Variants in HCN1 observed in about 807,000 individuals in gnomAD.
The protein encoded by HCN1 is hyperpolarization activated cyclic nucleotide gated potassium channel 1.
In HCN1, 13 loss-of-function variants were observed where a neutral mutation model predicts 78.9. That is an observed-to-expected ratio of 0.16 (90% CI 0.11 to 0.26). HCN1 has a LOEUF of 0.26. HCN1 is among the 10% of genes least tolerant of loss of function. HCN1 has a pLI of 1.00. For missense variants in HCN1, 810 were observed against 1,154.3 expected (o/e 0.70, Z 4.32); for synonymous variants, 552 against 455.5 (o/e 1.21, Z -2.70).
chr5:45,339,091 C>T (rs1196637563), intron 5 of HCN1, among the ~76,000 whole-genome samples: 2 of 152,152 alleles, frequency 1.3e-5, no homozygotes, highest in African/African-American at 4.8e-5. Context: ...TCTAGGATCT[C>T]TCATTTTATT....
chr5:45,507,856 G>A (rs1417494700), intron 2 of HCN1, among the ~76,000 whole-genome samples: 1 of 151,966 alleles, frequency 6.6e-6, no homozygotes, highest in Non-Finnish European at 1.5e-5. Context: ...AAATATAAAG[G>A]TAAGCATTTT....
At chr5:45,560,945 G>T (rs1241358935) in intron 2 of HCN1, among the ~76,000 whole-genome samples, 1 of 152,054 alleles carries the variant, frequency 6.6e-6, no homozygotes, top group Non-Finnish European at 1.5e-5. Context: ...AAATGCTAAG[G>T]TATCTGCTAA....
intron 2 of HCN1, chr5:45,558,818 G>C (rs1743533014): frequency 6.6e-6 from 1 of 151,728 alleles, no homozygotes. Context: ...ACCCAGGCTA[G>C]AGTGTGGTGG....
At chr5:45,444,606 A>T (rs1465572209) in intron 3 of HCN1, among the ~76,000 whole-genome samples, 1 of 151,478 alleles carries the variant, frequency 6.6e-6, no homozygotes, top group East Asian at 1.9e-4. Context: ...CTCTTATGGG[A>T]TCTTATGTTT....
In HCN1 at chr5:45,644,823, A is replaced by T. The variant is rs562775334; in HGVS notation, c.849+362T>A. Reference sequence around the variant, plus strand: ...AATGATGTGCCAGATTAGCAATCAGACCCTACACATCTTTATCAAAATAAT... The same window carrying T: ...AATGATGTGCCAGATTAGCAATCAGTCCCTACACATCTTTATCAAAATAAT... On this transcript the variant is annotated intron_variant, in intron 2 of 7. Coordinates refer to ENST00000303230, the MANE Select transcript of HCN1 (RefSeq NM_021072.4). 10 of 256,564 alleles carry T rather than the reference A, an allele frequency of 3.9e-5. No individual in the cohort carries two copies. In the South Asian group the frequency reaches 9.3e-4, roughly 24 times the overall value. 15.9% of individuals were successfully genotyped at this position (256,564 alleles called of 1,614,324 possible).
intron 2 of HCN1, among the ~76,000 whole-genome samples, chr5:45,524,205 G>A (rs1185055232): frequency 6.6e-6 from 1 of 152,134 alleles, no homozygotes; most frequent in African/African-American, 2.4e-5. Context: ...GCTCTGTTCT[G>A]TTCCATTGAT....
intron 2 of HCN1, chr5:45,559,122 A>T (rs992248129): frequency 2.6e-5 from 4 of 151,568 alleles, no homozygotes; most frequent in Non-Finnish European, 4.4e-5. Context: ...GTTGAGACCG[A>T]CTGTTCAGAA....
At chr5:45,682,660 T>G (rs1303731515) in intron 1 of HCN1, among the ~76,000 whole-genome samples, 1 of 151,934 alleles carries the variant, frequency 6.6e-6, no homozygotes, top group African/African-American at 2.4e-5. Context: ...AAGCACCTCA[T>G]CTTAGTGGGC....
chr5:45,455,837 C>T (rs2111611224), intron 3 of HCN1, among the ~76,000 whole-genome samples: 1 of 146,644 alleles, frequency 6.8e-6, no homozygotes, highest in Admixed American at 6.8e-5. Flanking sequence ...GTGAAATATA[C>T]TGCTATTCAT....
intron 5 of HCN1, among the ~76,000 whole-genome samples, chr5:45,311,713 AT>A (rs1484180356): frequency 6.6e-6 from 1 of 152,212 alleles, no homozygotes. Context: ...TTTCAGTAAT[AT>A]TCTTTGCATA....
At chr5:45,675,275 T>C (rs1332150764) in intron 1 of HCN1, among the ~76,000 whole-genome samples, 1 of 151,734 alleles carries the variant, frequency 6.6e-6, no homozygotes. Context: ...GCCAGCCAAG[T>C]CCTTTCTCTC....
intron 4 of HCN1, among the ~76,000 whole-genome samples, chr5:45,356,366 T>C (rs142110924): frequency 2.1e-3 from 319 of 152,022 alleles, no homozygotes; most frequent in African/African-American, 7.3e-3. Context: ...TAAAAGTTTC[T>C]GTATAATTAT....
At position 45,645,262 on chromosome 5, in the gene HCN1, T is replaced by G; in HGVS notation, c.772A>C (p.Arg258=). Residue 258 remains arginine, a synonymous_variant, in exon 2 of 8, where the codon AGG becomes CGG. Coordinates refer to ENST00000303230, the MANE Select transcript of HCN1 (RefSeq NM_021072.4). Reference sequence around the variant, plus strand: ...AAGAGACTGAGAATTTTTGTAAACCTCACAATGCGAAGTGCCCTGGCTGTC... The same window carrying G: ...AAGAGACTGAGAATTTTTGTAAACCGCACAATGCGAAGTGCCCTGGCTGTC... ...YKTARALRIV[R]FTKILSLLRL... 1 of 1,613,634 alleles carries G rather than the reference T, an allele frequency of 6.2e-7. No individual in the cohort carries two copies. The highest frequency in any genetic ancestry group is 8.5e-7 in the Non-Finnish European group (1 of 1,179,792).
intron 2 of HCN1, among the ~76,000 whole-genome samples, chr5:45,620,072 T>C (rs1010989827): frequency 1.3e-5 from 2 of 152,058 alleles, no homozygotes; most frequent in African/African-American, 4.8e-5. Context: ...GCATTTTTCC[T>C]AAGTGAATAA....
At chr5:45,668,769 T>C (rs1746097387) in intron 1 of HCN1, among the ~76,000 whole-genome samples, 1 of 151,878 alleles carries the variant, frequency 6.6e-6, no homozygotes, top group Non-Finnish European at 1.5e-5. Flanking sequence ...GCATGATGCT[T>C]GTTTTCCACT....
At chr5:45,598,199 T>A (rs1744546503) in intron 2 of HCN1, among the ~76,000 whole-genome samples, 1 of 152,174 alleles carries the variant, frequency 6.6e-6, no homozygotes, top group South Asian at 2.1e-4. Context: ...AACAACATGG[T>A]ACTGGTACCA....
intron 2 of HCN1, among the ~76,000 whole-genome samples, chr5:45,617,701 G>A (rs1744981215): frequency 6.6e-6 from 1 of 152,000 alleles, no homozygotes; most frequent in Non-Finnish European, 1.5e-5. Context: ...TTTTGTGAAG[G>A]TTACTTGAGA....
chr5:45,277,544 A>G (rs922868504), intron 6 of HCN1, among the ~76,000 whole-genome samples: 29 of 152,292 alleles, frequency 1.9e-4, no homozygotes, highest in African/African-American at 5.5e-4. Context: ...TTGGGAACAA[A>G]TAAAGCAAAA....
In HCN1 at chr5:45,292,231, C is replaced by A. The variant is rs142077354; in HGVS notation, c.1618+11368G>T. Among the ~76,000 whole-genome samples, 656 of 152,032 alleles carry A rather than the reference C, an allele frequency of 4.3e-3. 3 individuals carry two copies. The highest frequency in any genetic ancestry group is 0.015 in the African/African-American group (628 of 41,520). ...GCAAATCTCCATTATCTTAATCTTA[C>A]AATTGATAACTATTTTGTACAATAT... is the stretch of plus-strand genomic sequence containing the variant. On this transcript the variant is annotated intron_variant, in intron 6 of 7. Transcript: ENST00000303230.
Sources: allele counts gnomAD v4.1 joint callset (sites outside exome capture counted in the v4.1 genomes callset), GRCh38; gene constraint gnomAD v4.1.1; transcripts MANE v1.5; gene names NCBI Gene and HGNC (gene_info 2026-07-23, HGNC 2026-07-21).